NCOR2: variants seen among roughly 807,000 people sequenced by gnomAD.
NCOR2 encodes the protein nuclear receptor corepressor 2.
In NCOR2, 81 loss-of-function variants were observed where a neutral mutation model predicts 262.9. The observed-to-expected ratio is 0.31, with a 90% CI of 0.26 to 0.37. The LOEUF (loss-of-function observed/expected upper bound fraction) is 0.37. Ranked by LOEUF, NCOR2 falls within the 10% of genes least tolerant of loss-of-function variation. The probability of loss-of-function intolerance (pLI) is 1.00; values close to 1 mark genes in which losing one functional copy is unlikely to be tolerated. For missense variants in NCOR2, 3,385 were observed against 3,621.4 expected, an observed-to-expected ratio of 0.93 and a Z score of 1.68; for synonymous variants, 1,659 against 1,559.3, an observed-to-expected ratio of 1.06 and a Z score of -1.51.
chr12:124,349,545 G>A (rs890553181), intron 28 of NCOR2, among the ~76,000 whole-genome samples: 5 of 152,218 alleles, frequency 3.3e-5, no homozygotes, highest in East Asian at 1.9e-4. Context: ...GGGAGTGGAC[G>A]GCGTGAGCAG....
chr12:124,398,525 G>C (rs1049166570), intron 15 of NCOR2, among the ~76,000 whole-genome samples: 1 of 152,218 alleles, frequency 6.6e-6, no homozygotes, highest in African/African-American at 2.4e-5. Flanking sequence ...CCTTGACCAT[G>C]ACTGCCTCTG....
chr12:124,430,383 G>A lies in NCOR2; in HGVS notation c.1055+232C>T, dbSNP rs115231486. Among the ~76,000 whole-genome samples the A allele has an allele frequency of 7.9e-3, 1,201 of 152,292 alleles. 10 individuals carry two copies. Among genetic ancestry groups the A allele is most frequent in the African/African-American group, 0.026 (1,075 of 41,544 alleles). ...AAATGAGTGAAGCTGGCAGGTGCAC[G>A]CTATGGCACATGGGAAGAAGTGCTT... is the stretch of plus-strand genomic sequence containing the variant. On this transcript the variant is annotated intron_variant, in intron 9 of 46. Transcript: ENST00000405201.
At chr12:124,359,194 T>A (rs1450899108) in intron 22 of NCOR2, among the ~76,000 whole-genome samples, 1 of 152,144 alleles carries the variant, frequency 6.6e-6, no homozygotes, top group African/African-American at 2.4e-5. Context: ...TGAGGACCAA[T>A]CCTATGGAGA....
intron 1 of NCOR2, among the ~76,000 whole-genome samples, chr12:124,533,604 G>C (rs557788572): frequency 6.6e-6 from 1 of 152,268 alleles, no homozygotes; most frequent in Admixed American, 6.5e-5. Context: ...CTAGGTGCTT[G>C]GCCGTCTTGT....
At chr12:124,355,274 C>T (rs907510214) in intron 24 of NCOR2, 158 bp downstream of exon 26, 5 of 857,062 alleles carry the variant, frequency 5.8e-6, no homozygotes, top group Non-Finnish European at 8.8e-6. Flanking sequence ...GCCCTGAGTG[C>T]CTGGGGCAGG....
intron 12 of NCOR2, among the ~76,000 whole-genome samples, chr12:124,421,347 T>C (rs2043193429): frequency 6.6e-6 from 1 of 152,252 alleles, no homozygotes; most frequent in Non-Finnish European, 1.5e-5. Flanking sequence ...GAAGGAGGAC[T>C]GCTCGATGGC....
exon 30 of NCOR2, chr12:124,347,868 G>A: frequency 6.4e-7 from 1 of 1,568,768 alleles, no homozygotes; most frequent in Non-Finnish European, 8.6e-7. Context: ...CTTTGAGGTG[G>A]TGGGGGCTGT....
intron 1 of NCOR2, among the ~76,000 whole-genome samples, chr12:124,555,739 G>T (rs1362128457): frequency 6.6e-6 from 1 of 152,136 alleles, no homozygotes; most frequent in Non-Finnish European, 1.5e-5. Context: ...TTGGTTCCTT[G>T]GGGAGAGGAG....
In NCOR2 at chr12:124,367,916, G is replaced by A. The variant is rs141476494; in HGVS notation, c.2807+4106C>T. Among the ~76,000 whole-genome samples, 1,195 of 152,334 alleles carry A rather than the reference G, an allele frequency of 7.8e-3. 17 individuals carry two copies. The highest frequency in any genetic ancestry group is 0.024 in the African/African-American group (1,015 of 41,564). Reference sequence around the variant, plus strand: ...CCCAAAGTGCTGGGATTACAGGCATGAGCCACCGCGACCGGCCTCTCTCCT... The same window carrying A: ...CCCAAAGTGCTGGGATTACAGGCATAAGCCACCGCGACCGGCCTCTCTCCT... On this transcript the variant is annotated intron_variant, in intron 20 of 46. Transcript: ENST00000405201.
intron 18 of NCOR2, among the ~76,000 whole-genome samples, chr12:124,376,014 C>T (rs1447422808): frequency 6.6e-6 from 1 of 152,206 alleles, no homozygotes; most frequent in African/African-American, 2.4e-5. Context: ...GCAGCGTGCG[C>T]TGGCTGGGCC....
intron 1 of NCOR2, among the ~76,000 whole-genome samples, chr12:124,550,376 C>T (rs1465338142): frequency 6.6e-6 from 1 of 152,190 alleles, no homozygotes; most frequent in Non-Finnish European, 1.5e-5. Context: ...CACTGACTCA[C>T]AGCCCCACCC....
At chr12:124,366,520 C>T (rs146006623) in intron 20 of NCOR2, among the ~76,000 whole-genome samples, 7 of 152,126 alleles carry the variant, frequency 4.6e-5, no homozygotes, top group South Asian at 2.1e-4. Context: ...GAATGATACA[C>T]GTTTTTTTTG....
rs755142259 is a variant in NCOR2, at chr12:124,378,107, C to T, written c.2167+130G>A. 35 of 1,498,940 alleles carry T rather than the reference C, an allele frequency of 2.3e-5. No individual in the cohort carries two copies. Among genetic ancestry groups the T allele is most frequent in the Middle Eastern group, 1.8e-4 (1 of 5,460 alleles). 92.9% of individuals were successfully genotyped at this position (1,498,940 alleles called of 1,614,324 possible). A position where few individuals can be genotyped will look rare whatever the true frequency, so the allele number is the denominator to read the frequency against. Reference sequence around the variant, plus strand: ...GTCAGGCCCGCACCTTCCAGGGAGTCGAGGCCCCTTCTAAGGAGGACCCAG... The same window carrying T: ...GTCAGGCCCGCACCTTCCAGGGAGTTGAGGCCCCTTCTAAGGAGGACCCAG... On this transcript the variant is annotated intron_variant, in intron 18 of 46. Coordinates refer to ENST00000405201, the Ensembl canonical transcript of NCOR2. This position sits in a 1 kb window ranked among gnomAD's most constrained non-coding sequence, Gnocchi z 4.2.
At chr12:124,554,023 C>T (rs922850171) in intron 1 of NCOR2, among the ~76,000 whole-genome samples, 3 of 152,180 alleles carry the variant, frequency 2.0e-5, no homozygotes, top group Non-Finnish European at 4.4e-5. Flanking sequence ...CTGGTGACTA[C>T]GCTCTCACAA....
At chr12:124,536,901 G>A (rs77997301), upstream of NCOR2, among the ~76,000 whole-genome samples, 5 of 152,106 alleles carry the variant, frequency 3.3e-5, no homozygotes, top group Non-Finnish European at 7.3e-5. Context: ...ACAACCCAAC[G>A]GTCCATCGAC....
chr12:124,446,202 C>T (rs2045159374), intron 7 of NCOR2, among the ~76,000 whole-genome samples: 1 of 152,224 alleles, frequency 6.6e-6, no homozygotes, highest in African/African-American at 2.4e-5. Flanking sequence ...TATGCACCCT[C>T]AGCTTGCAAA....
Position 124,566,136 on chromosome 12 carries a change from C to G in NCOR2, c.-165+1172G>C, listed in dbSNP as rs2052229557. Among the ~76,000 whole-genome samples the G allele has an allele frequency of 6.6e-6, 1 of 152,134 alleles. No individual in the cohort carries two copies. The highest frequency in any genetic ancestry group is 2.4e-5 in the African/African-American group (1 of 41,430). Reference sequence around the variant, plus strand: ...CTTATCCCCTCCTCCCCTCTTCCCTCCCTCACACATCCTTCCTCCAAATCT... The same window carrying G: ...CTTATCCCCTCCTCCCCTCTTCCCTGCCTCACACATCCTTCCTCCAAATCT... On this transcript the variant is annotated intron_variant, in intron 1 of 32. Coordinates refer to the NCOR2 transcript ENST00000458234. This position sits in a 1 kb window ranked among gnomAD's most constrained non-coding sequence, Gnocchi z 4.3.
At chr12:124,487,939 C>T (rs968544197) in intron 1 of NCOR2, among the ~76,000 whole-genome samples, 11 of 151,482 alleles carry the variant, frequency 7.3e-5, no homozygotes, top group Middle Eastern at 6.9e-3. Flanking sequence ...GCTTCACTTA[C>T]GCACCAATTC....
In NCOR2 at chr12:124,472,897, G is replaced by A; in HGVS notation, c.591+55C>T. 1.6e-5 allele frequency: 26 copies of A among 1,604,524 alleles called. No individual in the cohort carries two copies. In the South Asian group the frequency reaches 2.9e-4, roughly 18 times the overall value. On this transcript the variant is annotated intron_variant, in intron 4 of 46. Transcript: ENST00000405201. ...ACATGTCTGTGACACCGCTGTCACTGCTGCTAGAATGGAGACTCAGAACAA... is the reference window on the plus strand; with the variant it reads ...ACATGTCTGTGACACCGCTGTCACTACTGCTAGAATGGAGACTCAGAACAA...
Sources: gnomAD v4.1 joint callset for allele counts (sites outside exome capture counted in the v4.1 genomes callset) on GRCh38, gnomAD v4.1.1 for gene constraint, Gnocchi (gnomAD v3.1) non-coding constraint, MANE v1.5 for transcripts, NCBI Gene and HGNC (gene_info 2026-07-23, HGNC 2026-07-21) for gene names.